AHCTF1: variants seen among roughly 807,000 people sequenced by gnomAD.
AHCTF1 encodes the protein protein ELYS.
AHCTF1 carries 24 observed loss-of-function variants against 248.4 expected under a neutral mutation model. That is an observed-to-expected ratio of 0.10 (90% confidence interval 0.07 to 0.14). The LOEUF is 0.14. Among genes scored for constraint, AHCTF1 ranks in the 10% least tolerant of loss-of-function variants. AHCTF1 has a pLI of 1.00. For missense variants in AHCTF1, 2,206 were observed against 2,636.2 expected (o/e 0.84, Z 3.57); for synonymous variants, 786 against 929.8 (o/e 0.85, Z 2.81).
chr1:246,876,848 G>C, intron 23 of AHCTF1, 102 bp downstream of exon 23: 1 of 1,383,472 alleles, frequency 7.2e-7, no homozygotes, highest in Non-Finnish European at 9.9e-7. Flanking sequence ...GGTAATGCTA[G>C]GCACAGTGGT....
chr1:246,898,862 C>A (rs576833228), intron 11 of AHCTF1, among the ~76,000 whole-genome samples: 2 of 152,248 alleles, frequency 1.3e-5, no homozygotes, highest in East Asian at 3.9e-4. Flanking sequence ...CCGAGGCAGG[C>A]GGATCATCTG....
At chr1:246,891,681 CATA>C in intron 15 of AHCTF1, 95 bp downstream of exon 15, 1 of 1,294,092 alleles carries the variant, frequency 7.7e-7, no homozygotes, top group Non-Finnish European at 1.1e-6. Flanking sequence ...GTCCTCTTTA[CATA>C]ATGATCCATC....
chr1:246,874,501 G>C (rs1481144733), intron 24 of AHCTF1, among the ~76,000 whole-genome samples: 2 of 152,126 alleles, frequency 1.3e-5, no homozygotes, highest in Non-Finnish European at 2.9e-5. Context: ...CACTAAAAAG[G>C]GTGGTGGCTC....
In AHCTF1 at chr1:246,918,386, AT is replaced by A. The variant is rs1204913815; in HGVS notation, c.-7-10del. ...AGTCTCGCATACTTCCACTGTAAATATTTTTAAAAGAAAACATTATTATGAC... is the reference window on the plus strand; with the variant it reads ...AGTCTCGCATACTTCCACTGTAAATATTTTAAAAGAAAACATTATTATGAC... On this transcript the variant is annotated splice_polypyrimidine_tract_variant and intron_variant, in intron 1 of 35. Transcript: ENST00000648844. The A allele has an allele frequency of 6.2e-7, 1 of 1,600,802 alleles. No individual in the cohort carries two copies. Among genetic ancestry groups the A allele is most frequent in the Admixed American group, 1.7e-5 (1 of 58,014 alleles).
intron 18 of AHCTF1, 21 bp from the exon 19 acceptor site, chr1:246,888,254 A>AC (rs1267704717): frequency 6.2e-7 from 1 of 1,613,490 alleles, no homozygotes; most frequent in Admixed American, 1.7e-5. Flanking sequence ...AAGGGATAAA[A>AC]CCTTCAGTGG....
intron 33 of AHCTF1, among the ~76,000 whole-genome samples, chr1:246,849,161 G>C (rs973035206): frequency 6.6e-6 from 1 of 152,206 alleles, no homozygotes; most frequent in African/African-American, 2.4e-5. Flanking sequence ...AGATGCGCCA[G>C]TTTGTGGGCA....
At position 246,842,615 on chromosome 1, in the gene AHCTF1, A is replaced by T. The variant is rs1659956270; in HGVS notation, c.6608+79T>A. The T allele has an allele frequency of 4.8e-6, 5 of 1,038,626 alleles. No individual in the cohort carries two copies. The South Asian group carries it at 1.2e-4, about 24-fold the overall frequency. The allele number at this position is 1,038,626 out of a possible 1,614,324, so 64.3% of individuals were successfully genotyped here. A position where few individuals can be genotyped will look rare whatever the true frequency, so the allele number is the denominator to read the frequency against. On this transcript the variant is annotated intron_variant, in intron 35 of 35. Transcript: ENST00000648844. Reference sequence around the variant, plus strand: ...TAAATAAAAATAAAATAAAATAATAAAAGGAGGATAGTAGGGTGGGGACAG... The same window carrying T: ...TAAATAAAAATAAAATAAAATAATATAAGGAGGATAGTAGGGTGGGGACAG...
intron 4 of AHCTF1, among the ~76,000 whole-genome samples, chr1:246,908,762 G>A (rs2103198613): frequency 6.6e-6 from 1 of 151,548 alleles, no homozygotes; most frequent in South Asian, 2.1e-4. Flanking sequence ...GGGCATGGCG[G>A]CGTGCGCCTG....
intron 23 of AHCTF1, among the ~76,000 whole-genome samples, chr1:246,876,696 A>T (rs1357788264): frequency 6.6e-6 from 1 of 152,158 alleles, no homozygotes; most frequent in East Asian, 1.9e-4. Context: ...TGGCCTCTAC[A>T]TCTTCCTCTT....
intron 14 of AHCTF1, among the ~76,000 whole-genome samples, chr1:246,892,301 CTTTTTTTTTTTTT>C (rs74163502): frequency 1.5e-3 from 96 of 64,968 alleles, no homozygotes; most frequent in South Asian, 5.6e-3. Flanking sequence ...ATTTGTTTTA[CTTTTTTTTTTTTT>C]TTTTTTTTTT....
rs745353272 is a variant in AHCTF1 at position 246,900,096 on chromosome 1, C to T, written c.1401G>A (p.Glu467=). The T allele has an allele frequency of 1.2e-6, 2 of 1,605,426 alleles. No homozygotes were observed. The highest frequency in any genetic ancestry group is 1.7e-6 in the Non-Finnish European group (2 of 1,178,488). Residue 467 remains glutamate, a synonymous_variant, in exon 10 of 36, where the codon GAG becomes GAA. Coordinates refer to ENST00000648844, the MANE Select transcript of AHCTF1 (RefSeq NM_001323342.2). ...TATAAGTGCTTGGATTAAAAAACTGCTCGGGAGGTGGATATGAAGGAGGGA... is the reference window on the plus strand; with the variant it reads ...TATAAGTGCTTGGATTAAAAAACTGTTCGGGAGGTGGATATGAAGGAGGGA... ...RGVPPSYPPP[E]QFFNPSTYNF...
intron 24 of AHCTF1, among the ~76,000 whole-genome samples, chr1:246,868,920 C>G (rs1379291517): frequency 2.7e-5 from 4 of 148,364 alleles, no homozygotes; most frequent in East Asian, 2.0e-4. Context: ...TCTCGGCTCA[C>G]TGCAAGTTCT....
rs80123663 is a variant in AHCTF1, at chr1:246,887,012, A to G, written c.2472+199T>C. On this transcript the variant is annotated intron_variant, in intron 20 of 35. Coordinates refer to ENST00000648844, the MANE Select transcript of AHCTF1 (RefSeq NM_001323342.2). ...TTATTAGTTTCCTTCTTTAAACAGTAAGAAACCTGGGGTTCTGAATTATCT... is the reference window on the plus strand; with the variant it reads ...TTATTAGTTTCCTTCTTTAAACAGTGAGAAACCTGGGGTTCTGAATTATCT... 3.1e-3 allele frequency among the ~76,000 whole-genome samples: 472 copies of G among 152,344 alleles called. 4 individuals carry two copies. The highest frequency in any genetic ancestry group is 0.011 in the African/African-American group (455 of 41,580).
At chr1:246,929,089 T>TA (rs1467569182) in intron 1 of AHCTF1, among the ~76,000 whole-genome samples, 1 of 151,884 alleles carries the variant, frequency 6.6e-6, no homozygotes, top group Admixed American at 6.6e-5. Context: ...GAGATCCCAG[T>TA]AAAAAAGTGG....
intron 4 of AHCTF1, among the ~76,000 whole-genome samples, chr1:246,912,090 A>C (rs1409335350): frequency 6.6e-6 from 1 of 152,000 alleles, no homozygotes; most frequent in Non-Finnish European, 1.5e-5. Flanking sequence ...AGTTATGTTC[A>C]TTATAAACTA....
intron 17 of AHCTF1, 101 bp downstream of exon 17, chr1:246,889,865 C>A: frequency 1.2e-6 from 1 of 805,058 alleles, no homozygotes; most frequent in Non-Finnish European, 2.0e-6. Flanking sequence ...TGATACTTAA[C>A]TGAGAATTCT....
chr1:246,910,196 G>A (rs1341972706), intron 4 of AHCTF1, among the ~76,000 whole-genome samples: 1 of 152,190 alleles, frequency 6.6e-6, no homozygotes, highest in Non-Finnish European at 1.5e-5. Context: ...ATTCCAAAAT[G>A]TGGAACATTC....
At chr1:246,918,059 C>T (rs1666265933) in intron 2 of AHCTF1, among the ~76,000 whole-genome samples, 191 bp downstream of exon 2, 1 of 152,086 alleles carries the variant, frequency 6.6e-6, no homozygotes, top group South Asian at 2.1e-4. Context: ...ATAACCCCCC[C>T]AATCAGAGGT....
chr1:246,905,376 T>C (rs1241305441), intron 6 of AHCTF1, among the ~76,000 whole-genome samples, 165 bp downstream of exon 6: 1 of 152,134 alleles, frequency 6.6e-6, no homozygotes, highest in East Asian at 1.9e-4. Context: ...CAGGCACCTG[T>C]AGTCCCAGCT....
Sources: allele counts gnomAD v4.1 joint callset (sites outside exome capture counted in the v4.1 genomes callset), GRCh38; gene constraint gnomAD v4.1.1; transcripts MANE v1.5; gene names NCBI Gene and HGNC (gene_info 2026-07-23, HGNC 2026-07-21).